Variants in WDR70 observed in about 807,000 individuals in gnomAD.
The protein encoded by WDR70 is WD repeat domain 70, also known as WD repeat-containing protein 70.
In WDR70, 53 loss-of-function variants were observed where a neutral mutation model predicts 88.6. The ratio of observed to expected loss-of-function variants is 0.60; its 90% confidence interval spans 0.48 to 0.75. The LOEUF is 0.75. Among genes scored for constraint, WDR70 ranks in the 30% least tolerant of loss-of-function variants. WDR70 has a pLI of 0.00. For synonymous variants in WDR70, 280 were observed against 270.0 expected (o/e 1.04, Z -0.36); for missense variants, 610 against 823.2 (o/e 0.74, Z 3.17).
intron 10 of WDR70, among the ~76,000 whole-genome samples, chr5:37,649,236 G>A (rs1317160590): frequency 4.6e-5 from 7 of 151,996 alleles, no homozygotes; most frequent in African/African-American, 1.7e-4. Flanking sequence ...CTTTCCAAGA[G>A]ATAATGACCA....
At chr5:37,552,801 T>C (rs1328472354) in intron 9 of WDR70, among the ~76,000 whole-genome samples, 1 of 152,224 alleles carries the variant, frequency 6.6e-6, no homozygotes, top group East Asian at 1.9e-4. Context: ...AAAAACAACA[T>C]GGTCCTTACT....
At chr5:37,449,291 G>C (rs1305359056) in intron 7 of WDR70, among the ~76,000 whole-genome samples, 1 of 151,928 alleles carries the variant, frequency 6.6e-6, no homozygotes. Context: ...CTTAATTTTT[G>C]ATACTGCAGG....
rs901680870 is a variant in WDR70, at chr5:37,423,088, AG to A, written c.493-14827del. ...GAAAGAAGTGAAGAGGATGGAAGTG[AG>A]GGGGGGCCTTCTCAGTGACAAGGTA... On this transcript the variant is annotated intron_variant, in intron 5 of 17. Coordinates refer to ENST00000265107, the MANE Select transcript of WDR70 (RefSeq NM_018034.4). 2.4e-3 allele frequency among the ~76,000 whole-genome samples: 351 copies of A among 148,074 alleles called. 1 individual carries two copies. Among genetic ancestry groups the A allele is most frequent in the African/African-American group, 8.9e-3 (335 of 37,600 alleles).
At chr5:37,730,030 T>G (rs977034320) in intron 17 of WDR70, among the ~76,000 whole-genome samples, 6 of 152,184 alleles carry the variant, frequency 3.9e-5, no homozygotes, top group Non-Finnish European at 8.8e-5. Flanking sequence ...TAGCATAATG[T>G]AAATCATCTT....
chr5:37,594,493 A>G (rs913438100), intron 9 of WDR70, among the ~76,000 whole-genome samples: 2 of 152,000 alleles, frequency 1.3e-5, no homozygotes, highest in African/African-American at 4.8e-5. Context: ...GTTCTGTTCC[A>G]TTGGTCTATA....
intron 10 of WDR70, among the ~76,000 whole-genome samples, chr5:37,661,053 C>T (rs1445677934): frequency 2.0e-5 from 3 of 152,180 alleles, no homozygotes; most frequent in Admixed American, 6.5e-5. Flanking sequence ...TGTGCATCCT[C>T]AGATTTTGTT....
rs138828985 is a variant in WDR70 at position 37,695,993 on chromosome 5, C to T, written c.1093-1662C>T. Among the ~76,000 whole-genome samples, 393 of 152,280 alleles carry T rather than the reference C, an allele frequency of 2.6e-3. 2 individuals carry two copies. Among genetic ancestry groups the T allele is most frequent in the African/African-American group, 9.2e-3 (381 of 41,546 alleles). Reference sequence around the variant, plus strand: ...ATTTATTTTTGCCCCTCTTTTCTCCCTCATTGTCAAGTTTGGGTTAGGACC... The same window carrying T: ...ATTTATTTTTGCCCCTCTTTTCTCCTTCATTGTCAAGTTTGGGTTAGGACC... On this transcript the variant is annotated intron_variant, in intron 10 of 17. Transcript: ENST00000265107.
intron 9 of WDR70, among the ~76,000 whole-genome samples, chr5:37,521,670 G>T (rs1396587989): frequency 6.7e-6 from 1 of 150,052 alleles, no homozygotes; most frequent in Non-Finnish European, 1.5e-5. Context: ...CAATTATTTT[G>T]TTCCTTTTTG....
intron 7 of WDR70, among the ~76,000 whole-genome samples, chr5:37,457,968 T>G (rs1014282920): frequency 2.7e-5 from 4 of 147,186 alleles, no homozygotes; most frequent in African/African-American, 1.0e-4. Flanking sequence ...GGGTTTGTCA[T>G]AGATAGCTCT....
At chr5:37,449,877 C>T (rs1738615386) in intron 7 of WDR70, among the ~76,000 whole-genome samples, 1 of 152,212 alleles carries the variant, frequency 6.6e-6, no homozygotes, top group South Asian at 2.1e-4. Flanking sequence ...AGCTATTTCT[C>T]CTAATGCTGT....
At chr5:37,667,878 A>G (rs1049580731) in intron 10 of WDR70, among the ~76,000 whole-genome samples, 1 of 144,610 alleles carries the variant, frequency 6.9e-6, no homozygotes, top group Non-Finnish European at 1.5e-5. Flanking sequence ...AAAAGGTTCT[A>G]TAGTCAAATA....
intron 9 of WDR70, among the ~76,000 whole-genome samples, chr5:37,520,833 A>G (rs1269506028): frequency 6.6e-6 from 1 of 152,252 alleles, no homozygotes; most frequent in Non-Finnish European, 1.5e-5. Context: ...TAAATATTGG[A>G]GTACTGAAGC....
chr5:37,523,755 C>T lies in WDR70; in HGVS notation c.917+7165C>T, dbSNP rs565133674. ...GAAAAAAGATTAGACGAATGGCTAACTAGAATAACCAGTGTAGAGAAGTCC... is the reference window on the plus strand; with the variant it reads ...GAAAAAAGATTAGACGAATGGCTAATTAGAATAACCAGTGTAGAGAAGTCC... On this transcript the variant is annotated intron_variant, in intron 9 of 17. Transcript: ENST00000265107. Among the ~76,000 whole-genome samples the T allele has an allele frequency of 5.9e-5, 9 of 152,280 alleles. No individual in the cohort carries two copies. In the South Asian group the frequency reaches 8.3e-4, roughly 14 times the overall value.
rs558312964 is a variant in WDR70, at chr5:37,405,942, A to G, written c.492+9372A>G. Among the ~76,000 whole-genome samples the G allele has an allele frequency of 1.2e-4, 18 of 151,970 alleles. 1 individual carries two copies. The highest frequency in any genetic ancestry group is 1.2e-4 in the Non-Finnish European group (8 of 67,976). Reference sequence around the variant, plus strand: ...CCTGTAATTCCAGCTACTCAGGAGAATGAGGTGGGAGGATCACTTGAGCCT... The same window carrying G: ...CCTGTAATTCCAGCTACTCAGGAGAGTGAGGTGGGAGGATCACTTGAGCCT... On this transcript the variant is annotated intron_variant, in intron 5 of 17. Coordinates refer to ENST00000265107, the MANE Select transcript of WDR70 (RefSeq NM_018034.4).
intron 10 of WDR70, among the ~76,000 whole-genome samples, chr5:37,617,499 A>G (rs553442522): frequency 2.1e-4 from 32 of 152,328 alleles, no homozygotes; most frequent in African/African-American, 7.2e-4. Context: ...TCAATATTTC[A>G]TGTGCAGTGG....
At chr5:37,534,393 CTTTAA>C (rs922490055) in intron 9 of WDR70, among the ~76,000 whole-genome samples, 2 of 151,848 alleles carry the variant, frequency 1.3e-5, no homozygotes, top group African/African-American at 4.8e-5. Flanking sequence ...TATCCCATTC[CTTTAA>C]AAGATAATTC....
chr5:37,709,940 A>C (rs1010178138), intron 13 of WDR70, among the ~76,000 whole-genome samples: 2 of 152,202 alleles, frequency 1.3e-5, no homozygotes, highest in African/African-American at 4.8e-5. Flanking sequence ...CTAAGCCAGC[A>C]TCAATAAGAC....
chr5:37,688,549 AG>A, intron 10 of WDR70, among the ~76,000 whole-genome samples: 1 of 152,074 alleles, frequency 6.6e-6, no homozygotes, highest in Non-Finnish European at 1.5e-5. Context: ...ATCTTCCAAA[AG>A]TTTCATTTAG....
chr5:37,440,453 C>T (rs1750619730), intron 6 of WDR70, among the ~76,000 whole-genome samples: 1 of 152,300 alleles, frequency 6.6e-6, no homozygotes, highest in East Asian at 1.9e-4. Context: ...GTAAGCGATT[C>T]TCCTGCCTCA....
Sources: gnomAD v4.1 joint callset for allele counts (sites outside exome capture counted in the v4.1 genomes callset) on GRCh38, gnomAD v4.1.1 for gene constraint, MANE v1.5 for transcripts, NCBI Gene and HGNC (gene_info 2026-07-23, HGNC 2026-07-21) for gene names.